Variants in NHS observed in about 807,000 individuals in gnomAD.
The protein encoded by NHS is NHS actin remodeling regulator.
A neutral mutation model predicts 72.5 loss-of-function variants in NHS; 5 were observed. The observed-to-expected ratio is 0.07, with a 90% CI of 0.04 to 0.14. NHS has a LOEUF of 0.14. NHS is among the 10% of genes least tolerant of loss of function. NHS has a pLI of 1.00. For synonymous variants in NHS, 464 were observed against 547.7 expected, an observed-to-expected ratio of 0.85 and a Z score of 2.13; for missense variants, 1,072 against 1,355.7, an observed-to-expected ratio of 0.79 and a Z score of 3.29.
intron 1 of NHS, among the ~76,000 whole-genome samples, chrX:17,523,783 A>G (rs1291094978): frequency 1.8e-5 from 2 of 111,569 alleles, no homozygotes; most frequent in Non-Finnish European, 3.8e-5. Flanking sequence ...AAGAAATAAG[A>G]CCTCCAACCA....
At chrX:17,407,037 C>G (rs2064532433) in intron 1 of NHS, among the ~76,000 whole-genome samples, 1 of 111,732 alleles carries the variant, frequency 8.9e-6, no homozygotes, top group South Asian at 3.8e-4. Flanking sequence ...AACCTTCCAT[C>G]CTTCCTTCCT....
chrX:17,586,307 T>C (rs2065575318), intron 1 of NHS: 1 of 111,540 alleles, frequency 9.0e-6, no homozygotes, highest in Non-Finnish European at 1.9e-5. Context: ...ATGTGCCAAC[T>C]GAGAATGGCT....
At chrX:17,469,805 C>T (rs920752122) in intron 1 of NHS, among the ~76,000 whole-genome samples, 1 of 110,657 alleles carries the variant, frequency 9.0e-6, no homozygotes, top group Non-Finnish European at 1.9e-5. Flanking sequence ...CACGCCTGGC[C>T]AATTTTTGTA....
At chrX:17,658,927 C>T (rs1333940704) in intron 1 of NHS, among the ~76,000 whole-genome samples, 1 of 112,227 alleles carries the variant, frequency 8.9e-6, no homozygotes, top group Admixed American at 9.4e-5. Flanking sequence ...AGGATAAACA[C>T]CATAATAGGT....
intron 3 of NHS, among the ~76,000 whole-genome samples, chrX:17,702,504 C>T (rs140937037): frequency 1.2e-3 from 137 of 110,498 alleles, no homozygotes; most frequent in African/African-American, 4.1e-3. Context: ...CTGGCCAACA[C>T]GGTGAAACCC....
chrX:17,687,875 C>A lies in NHS; in HGVS notation c.699C>A (p.Ser233Arg). The change falls in exon 2 of 9, where the codon AGC becomes AGA. Residue 233 changes from serine to arginine, a missense_variant. By Grantham distance (110) the Ser-to-Arg change is moderately radical. Coordinates refer to ENST00000676302, the MANE Select transcript of NHS (RefSeq NM_001291867.2). ...VEELHRHARQ[S>R]LQALRREHRS... ...AGCTGCACCGCCACGCCCGGCAGAG[C>A]CTGCAAGCCCTGCGCAGAGGTGACA... 1 of 1,211,483 alleles carries A rather than the reference C, an allele frequency of 8.3e-7. No individual in the cohort carries two copies. The highest frequency in any genetic ancestry group is 1.1e-6 in the Non-Finnish European group (1 of 895,368).
At chrX:17,550,620 G>C (rs759939300) in intron 1 of NHS, among the ~76,000 whole-genome samples, 1 of 111,678 alleles carries the variant, frequency 9.0e-6, no homozygotes, top group East Asian at 2.8e-4. Context: ...TGAATGTCTG[G>C]AGTTTAGGAG....
At chrX:17,504,402 T>G (rs2065047739) in intron 1 of NHS, among the ~76,000 whole-genome samples, 1 of 112,330 alleles carries the variant, frequency 8.9e-6, no homozygotes, top group African/African-American at 3.2e-5. Context: ...ACAGCCATCC[T>G]TATGGTGAAA....
chrX:17,712,274 TATATATATATATATATAC>T (rs1435265419), intron 3 of NHS, among the ~76,000 whole-genome samples: 2 of 80,620 alleles, frequency 2.5e-5, no homozygotes, highest in African/African-American at 8.7e-5. Flanking sequence ...TATATATATA[TATATATATATATATATAC>T]ACACACACAC....
chrX:17,376,388 A>G, intron 1 of NHS, 66 bp downstream of exon 1: 1 of 1,000,326 alleles, frequency 1.0e-6, no homozygotes, highest in Non-Finnish European at 1.4e-6. Context: ...CGCCCTCCCC[A>G]GCAGCGGCAA....
chrX:17,615,536 C>G (rs2065741150), intron 1 of NHS, among the ~76,000 whole-genome samples: 1 of 109,480 alleles, frequency 9.1e-6, no homozygotes, highest in Non-Finnish European at 1.9e-5. Flanking sequence ...GCGTGAGCCA[C>G]TGCACCCAGC....
At chrX:17,415,507 G>T (rs753870264) in intron 1 of NHS, among the ~76,000 whole-genome samples, 1 of 111,091 alleles carries the variant, frequency 9.0e-6, no homozygotes, top group Admixed American at 9.6e-5. Context: ...ATAATTGCTC[G>T]GCAGGGGGGA....
chrX:17,597,245 A>G (rs59194720), intron 1 of NHS, among the ~76,000 whole-genome samples: 15,595 of 104,429 alleles, frequency 0.15, 2,770 homozygotes, highest in African/African-American at 0.51. Flanking sequence ...TCAGCCTCCC[A>G]AATAGCTGGG....
intron 1 of NHS, among the ~76,000 whole-genome samples, chrX:17,529,199 A>G (rs1008526376): frequency 9.0e-6 from 1 of 111,401 alleles, no homozygotes; most frequent in African/African-American, 3.3e-5. Context: ...TAAATTTCAC[A>G]TTATCCCTTC....
intron 1 of NHS, among the ~76,000 whole-genome samples, chrX:17,588,850 C>T (rs1408076604): frequency 8.9e-6 from 1 of 111,878 alleles, no homozygotes; most frequent in African/African-American, 3.3e-5. Context: ...TATAAAAATA[C>T]ATTTCAAAAA....
chrX:17,629,391 T>C (rs917808710), intron 1 of NHS, among the ~76,000 whole-genome samples: 6 of 112,167 alleles, frequency 5.3e-5, no homozygotes, highest in African/African-American at 1.3e-4. Flanking sequence ...TGCCCTGATA[T>C]AGAAACCAAA....
chrX:17,506,565 ATAAG>A (rs371856730), intron 1 of NHS, among the ~76,000 whole-genome samples: 3 of 101,851 alleles, frequency 2.9e-5, no homozygotes, highest in East Asian at 3.2e-4. Flanking sequence ...AAATAAATAA[ATAAG>A]TAAATAAATT....
intron 3 of NHS, among the ~76,000 whole-genome samples, chrX:17,716,547 G>A (rs1474345421): frequency 9.0e-6 from 1 of 110,914 alleles, no homozygotes; most frequent in Non-Finnish European, 1.9e-5. Context: ...ATTTTTAGGA[G>A]AGAACCAGGT....
At chrX:17,645,691 C>T (rs2065902803) in intron 1 of NHS, among the ~76,000 whole-genome samples, 1 of 112,085 alleles carries the variant, frequency 8.9e-6, no homozygotes, top group Non-Finnish European at 1.9e-5. Context: ...TTCTTTCTTA[C>T]AAATCCTACT....
Sources: allele counts gnomAD v4.1 joint callset (sites outside exome capture counted in the v4.1 genomes callset), GRCh38; gene constraint gnomAD v4.1.1; transcripts MANE v1.5; gene names NCBI Gene and HGNC (gene_info 2026-07-23, HGNC 2026-07-21).